Variants in MID1 observed in about 807,000 individuals in gnomAD.
MID1 encodes the protein E3 ubiquitin-protein ligase Midline-1.
A neutral mutation model predicts 40.4 loss-of-function variants in MID1; 7 were observed. That is an observed-to-expected ratio of 0.17 (90% CI 0.10 to 0.33). MID1 has a LOEUF of 0.33. Among genes scored for constraint, MID1 ranks in the 10% least tolerant of loss-of-function variants. MID1 has a pLI of 1.00. For missense variants in MID1, 367 were observed against 558.5 expected (o/e 0.66, Z 3.46); for synonymous variants, 229 against 221.2 (o/e 1.04, Z -0.31).
At chrX:10,806,406 T>C (rs2044048415) in intron 1 of MID1, among the ~76,000 whole-genome samples, 1 of 112,079 alleles carries the variant, frequency 8.9e-6, no homozygotes, top group Non-Finnish European at 1.9e-5. Context: ...CTGATCTATA[T>C]TCTCTGGATT....
chrX:10,613,732 T>TATATATATATATAGAGAGAG (rs1482081086), intron 1 of MID1, among the ~76,000 whole-genome samples: 2 of 17,480 alleles, frequency 1.1e-4, no homozygotes, highest in African/African-American at 1.8e-4. Context: ...TATATATATA[T>TATATATATATATAGAGAGAG]AGAGAGAGAG....
intron 1 of MID1, among the ~76,000 whole-genome samples, chrX:10,636,179 T>A (rs1256951520): frequency 1.8e-5 from 2 of 111,816 alleles, no homozygotes; most frequent in East Asian, 2.8e-4. Flanking sequence ...GAATAAAGAT[T>A]TAAAACCCTT....
chrX:10,605,022 T>G (rs1396198096), intron 1 of MID1, among the ~76,000 whole-genome samples: 2 of 112,522 alleles, frequency 1.8e-5, no homozygotes, highest in Non-Finnish European at 3.8e-5. Context: ...AATGCTCAGC[T>G]GCTGTTATAA....
intron 1 of MID1, among the ~76,000 whole-genome samples, chrX:10,703,406 C>G (rs2043204858): frequency 8.9e-6 from 1 of 112,404 alleles, no homozygotes; most frequent in African/African-American, 3.2e-5. Flanking sequence ...TGGCTTATGC[C>G]TGTAATCCCA....
intron 1 of MID1, among the ~76,000 whole-genome samples, chrX:10,776,734 G>A (rs1025941453): frequency 1.1e-4 from 12 of 111,225 alleles, no homozygotes; most frequent in Non-Finnish European, 1.9e-4. Context: ...GGGCATGGTG[G>A]TGCACTCCTG....
intron 1 of MID1, among the ~76,000 whole-genome samples, chrX:10,763,104 A>G (rs1246282984): frequency 1.9e-5 from 2 of 107,589 alleles, no homozygotes; most frequent in East Asian, 5.8e-4. Context: ...GCAAGCAACC[A>G]TAGACAATAT....
At chrX:10,715,035 A>G (rs371757972) in intron 1 of MID1, among the ~76,000 whole-genome samples, 65 of 112,754 alleles carry the variant, frequency 5.8e-4, no homozygotes, top group African/African-American at 2.0e-3. Context: ...ATAGAAAGTT[A>G]TTCTCTTCTT....
intron 1 of MID1, among the ~76,000 whole-genome samples, chrX:10,600,919 C>T (rs373275996): frequency 2.7e-5 from 3 of 110,974 alleles, no homozygotes; most frequent in African/African-American, 9.8e-5. Context: ...AGCAGCCAAG[C>T]GCAATGAAAA....
intron 6 of MID1, among the ~76,000 whole-genome samples, chrX:10,471,542 C>T (rs1280698125): frequency 8.9e-6 from 1 of 112,188 alleles, no homozygotes. Context: ...ATTTGTACAT[C>T]TGTCTCCTGA....
At chrX:10,512,903 T>C (rs779298995) in intron 3 of MID1, among the ~76,000 whole-genome samples, 1 of 112,545 alleles carries the variant, frequency 8.9e-6, no homozygotes, top group Non-Finnish European at 1.9e-5. Flanking sequence ...AATCTTTGTG[T>C]TGCTCCTCAC....
intron 1 of MID1, among the ~76,000 whole-genome samples, chrX:10,811,204 A>T (rs999451916): frequency 9.8e-5 from 11 of 112,008 alleles, no homozygotes; most frequent in Non-Finnish European, 1.9e-4. Flanking sequence ...TCATTCAGAC[A>T]CCTTCTGTAT....
intron 1 of MID1, among the ~76,000 whole-genome samples, chrX:10,808,318 G>T (rs769245920): frequency 3.2e-4 from 36 of 111,354 alleles, no homozygotes; most frequent in Non-Finnish European, 6.2e-4. Flanking sequence ...TCTCTGTAAT[G>T]GTCCTCTATG....
chrX:10,810,696 C>CTG (rs370482398), intron 1 of MID1, among the ~76,000 whole-genome samples: 1,192 of 100,615 alleles, frequency 0.012, 8 homozygotes, highest in African/African-American at 0.022. Flanking sequence ...GTTGTTTTCT[C>CTG]TGTGTGTGTG....
chrX:10,815,431 T>A (rs955454042), intron 1 of MID1, among the ~76,000 whole-genome samples: 1 of 112,376 alleles, frequency 8.9e-6, no homozygotes, highest in Non-Finnish European at 1.9e-5. Context: ...TTTCTCATTA[T>A]GGAAGAAAGA....
intron 1 of MID1, among the ~76,000 whole-genome samples, chrX:10,618,077 G>A (rs1935869778): frequency 9.3e-6 from 1 of 107,465 alleles, no homozygotes; most frequent in Non-Finnish European, 2.0e-5. Context: ...GGCAATTTCT[G>A]GCTACCCAGA....
At chrX:10,568,782 A>C (rs1934643943) in intron 1 of MID1, among the ~76,000 whole-genome samples, 1 of 112,028 alleles carries the variant, frequency 8.9e-6, no homozygotes. Flanking sequence ...AGAATTCCAC[A>C]CAAACCCCAG....
At chrX:10,487,927 A>G (rs1930708729) in intron 4 of MID1, among the ~76,000 whole-genome samples, 1 of 107,295 alleles carries the variant, frequency 9.3e-6, no homozygotes, top group Non-Finnish European at 1.9e-5. Context: ...ACTTTGGGCC[A>G]TTTCTAGTTT....
In MID1 at chrX:10,491,987, TCA is replaced by T. The variant is rs752586088; in HGVS notation, c.864+3595_864+3596del. 3.3e-3 allele frequency among the ~76,000 whole-genome samples: 374 copies of T among 112,205 alleles called. 2 individuals are homozygous for T. Among genetic ancestry groups the T allele is most frequent in the African/African-American group, 0.011 (352 of 30,945 alleles). On this transcript the variant is annotated intron_variant, in intron 4 of 9. Transcript: ENST00000317552. ...GCATTCCCAAGGTGGTGACCAAAAC[TCA>T]GTTTCCAAATTTCCACTGCAGCTGA...
chrX:10,652,576 C>G (rs1378187806), intron 1 of MID1, among the ~76,000 whole-genome samples: 1 of 111,551 alleles, frequency 9.0e-6, no homozygotes, highest in Non-Finnish European at 1.9e-5. Context: ...TTGAACTCTT[C>G]TGCTCAAGAC....
Sources: gnomAD v4.1 joint callset for allele counts (sites outside exome capture counted in the v4.1 genomes callset) on GRCh38, gnomAD v4.1.1 for gene constraint, MANE v1.5 for transcripts, NCBI Gene and HGNC (gene_info 2026-07-23, HGNC 2026-07-21) for gene names.